TMEM202: variants seen among roughly 807,000 people sequenced by gnomAD.
The protein encoded by TMEM202 is transmembrane protein 202.
Under a neutral mutation model 26.1 loss-of-function variants are expected in TMEM202, and 25 were observed. The observed-to-expected ratio is 0.96, with a 90% CI of 0.70 to 1.34. The LOEUF (loss-of-function observed/expected upper bound fraction) is 1.34, where lower values mean the gene tolerates loss of function less well. Among genes scored for constraint, TMEM202 ranks in the 40% most tolerant of loss-of-function variants. The probability of loss-of-function intolerance (pLI) is 0.00; values close to 1 mark genes in which losing one functional copy is unlikely to be tolerated. For missense variants in TMEM202, 301 were observed against 327.7 expected, an observed-to-expected ratio of 0.92 and a Z score of 0.63; for synonymous variants, 122 against 119.0, an observed-to-expected ratio of 1.02 and a Z score of -0.16.
chr15:72,402,981 G>C (rs1464133505), intron 2 of TMEM202, among the ~76,000 whole-genome samples: 1 of 152,086 alleles, frequency 6.6e-6, no homozygotes. Flanking sequence ...CTTGAAAGCG[G>C]TCACAATGGC....
chr15:72,400,831 C>A (rs990467463), intron 2 of TMEM202, among the ~76,000 whole-genome samples: 1 of 152,136 alleles, frequency 6.6e-6, no homozygotes, highest in Non-Finnish European at 1.5e-5. Context: ...TGCTGTTTGC[C>A]CATTTTAATG....
chr15:72,405,969 G>T (rs1039339365), intron 2 of TMEM202, among the ~76,000 whole-genome samples: 7 of 152,148 alleles, frequency 4.6e-5, no homozygotes, highest in African/African-American at 1.7e-4. Flanking sequence ...TCATTTTGTA[G>T]TCATAGGCTG....
In TMEM202 at chr15:72,407,098, T is replaced by C; in HGVS notation, c.500T>C (p.Leu167Pro). 1.9e-6 allele frequency: 3 copies of C among 1,612,342 alleles called. No individual in the cohort carries two copies. The highest frequency in any genetic ancestry group is 2.7e-5 in the African/African-American group (2 of 74,984). The change falls in exon 4 of 5, where the codon CTC becomes CCC. Residue 167 changes from leucine (L) to proline (P), a missense_variant. Transcript: ENST00000341689. ...CTTCTGGTCCTAGCTACCTGCTTGCTCCTCTGCCTCAACCTGTTTGTGGCA... is the reference window on the plus strand; with the variant it reads ...CTTCTGGTCCTAGCTACCTGCTTGCCCCTCTGCCTCAACCTGTTTGTGGCA... ...MLSFISATCL[L>P]LCLNLFVAQV...
chr15:72,406,982 A>G (rs925279491), intron 3 of TMEM202, 104 bp from the exon 4 acceptor site: 5 of 1,468,154 alleles, frequency 3.4e-6, no homozygotes, highest in Non-Finnish European at 4.6e-6. Context: ...TATCTTTTTG[A>G]TCCTCGCTAT....
At chr15:72,405,639 T>G (rs2063567249) in intron 2 of TMEM202, among the ~76,000 whole-genome samples, 1 of 152,114 alleles carries the variant, frequency 6.6e-6, no homozygotes, top group Non-Finnish European at 1.5e-5. Flanking sequence ...AAACACTTTG[T>G]GGTAAGTTCC....
chr15:72,404,673 C>T (rs2140358518), intron 2 of TMEM202, among the ~76,000 whole-genome samples: 1 of 152,248 alleles, frequency 6.6e-6, no homozygotes, highest in East Asian at 1.9e-4. Flanking sequence ...TCAAACTTTA[C>T]ATCTTCTCAG....
At chr15:72,403,019 A>T (rs1449890242) in intron 2 of TMEM202, among the ~76,000 whole-genome samples, 1 of 152,114 alleles carries the variant, frequency 6.6e-6, no homozygotes, top group Non-Finnish European at 1.5e-5. Flanking sequence ...GATTTGGCTA[A>T]ATAAGTGAGC....
chr15:72,407,230 C>T lies in TMEM202; in HGVS notation c.619+13C>T, dbSNP rs207475587. On this transcript the variant is annotated intron_variant, in intron 4 of 4. Coordinates refer to ENST00000341689, the MANE Select transcript of TMEM202 (RefSeq NM_001080462.3). ...TACATGTTTGCTGGTGAGTCACTTC[C>T]CTGCTCTATGCTAGAAGGATGGATA... 6.2e-7 allele frequency: 1 copy of T among 1,612,868 alleles called. No individual in the cohort carries two copies. Among genetic ancestry groups the T allele is most frequent in the Non-Finnish European group, 8.5e-7 (1 of 1,179,362 alleles).
chr15:72,400,557 A>AT (rs1403375089), intron 2 of TMEM202, among the ~76,000 whole-genome samples: 1 of 152,242 alleles, frequency 6.6e-6, no homozygotes, highest in South Asian at 2.1e-4. Flanking sequence ...CTGCAATCAT[A>AT]TTTATGTAAC....
At chr15:72,398,932 C>T (rs2140354952) in intron 2 of TMEM202, 24 bp downstream of exon 2, 3 of 1,593,678 alleles carry the variant, frequency 1.9e-6, no homozygotes, top group Non-Finnish European at 2.6e-6. Context: ...AATTAAATGC[C>T]ACAGGCCCCA....
chr15:72,406,556 C>G (rs770496309), intron 2 of TMEM202, 46 bp from the exon 3 acceptor site: 14 of 1,563,920 alleles, frequency 9.0e-6, no homozygotes, highest in Non-Finnish European at 1.1e-5. Context: ...AAGGGAAGGT[C>G]CCTCACTGGA....
At position 72,406,586 on chromosome 15, in the gene TMEM202, C is replaced by T. The variant is rs753569278; in HGVS notation, c.338-16C>T. Reference sequence around the variant, plus strand: ...ACTGGACTAACCACGGTCTTCCTTTCCTCTTCTTCATGCAGATTATCTCCA... The same window carrying T: ...ACTGGACTAACCACGGTCTTCCTTTTCTCTTCTTCATGCAGATTATCTCCA... On this transcript the variant is annotated splice_polypyrimidine_tract_variant and intron_variant, in intron 2 of 4. Coordinates refer to ENST00000341689, the MANE Select transcript of TMEM202 (RefSeq NM_001080462.3). The T allele has an allele frequency of 1.9e-6, 3 of 1,612,296 alleles. No homozygotes were observed. In the Admixed American group the frequency reaches 5.0e-5, roughly 27 times the overall value.
intron 4 of TMEM202, 59 bp from the exon 5 acceptor site, chr15:72,407,632 T>G (rs1275575029): frequency 1.3e-6 from 2 of 1,533,078 alleles, no homozygotes; most frequent in East Asian, 4.5e-5. Flanking sequence ...CATAAGAATT[T>G]TAAAAGCCAA....
At chr15:72,400,031 A>C (rs1200389957) in intron 2 of TMEM202, among the ~76,000 whole-genome samples, 2 of 152,256 alleles carry the variant, frequency 1.3e-5, no homozygotes, top group Admixed American at 6.5e-5. Flanking sequence ...AAGGGACAGT[A>C]TCCTGCATGA....
At position 72,398,334 on chromosome 15, in the gene TMEM202, G is replaced by A. The variant is rs148351239; in HGVS notation, c.8G>A (p.Arg3Gln). ME[R>Q]REHLTLTFHS... is the part of the protein sequence containing the mutation. Reference sequence around the variant, plus strand: ...AGAGAACTAACTGCCAAGATGGAGCGAAGGGAACATTTAACCTTGACTTTC... The same window carrying A: ...AGAGAACTAACTGCCAAGATGGAGCAAAGGGAACATTTAACCTTGACTTTC... The change falls in exon 1 of 5, where the codon CGA (arginine) becomes CAA (glutamine). Residue 3 changes from arginine to glutamine, a missense_variant. Physicochemically the swap from Arg to Gln is conservative, Grantham distance 43 (BLOSUM62 1). Transcript: ENST00000341689. 9.3e-6 allele frequency: 15 copies of A among 1,612,746 alleles called. No individual in the cohort carries two copies. The African/African-American group carries it at 1.6e-4, about 17-fold the overall frequency.
chr15:72,402,331 T>C (rs1292881691), intron 2 of TMEM202, among the ~76,000 whole-genome samples: 2 of 152,210 alleles, frequency 1.3e-5, no homozygotes, highest in East Asian at 3.8e-4. Flanking sequence ...ACCTACTGGA[T>C]TGCAAGAATT....
At position 72,408,072 on chromosome 15, in the gene TMEM202, G is replaced by C; in HGVS notation, c.*179G>C. ...CCAAAATATATATGATAGTCATAAAGTAAATAACTCACTTAAGAAAAACAT... is the reference window on the plus strand; with the variant it reads ...CCAAAATATATATGATAGTCATAAACTAAATAACTCACTTAAGAAAAACAT... On this transcript the variant is annotated 3_prime_UTR_variant, in exon 5 of 5. Coordinates refer to ENST00000341689, the MANE Select transcript of TMEM202 (RefSeq NM_001080462.3). 3 of 580,400 alleles carry C rather than the reference G, an allele frequency of 5.2e-6. No individual in the cohort carries two copies. The South Asian group carries it at 6.7e-5, about 13-fold the overall frequency. 36.0% of individuals were successfully genotyped at this position (580,400 alleles called of 1,614,324 possible).
chr15:72,401,216 C>T (rs1005392345), intron 2 of TMEM202, among the ~76,000 whole-genome samples: 4 of 152,134 alleles, frequency 2.6e-5, no homozygotes, highest in Non-Finnish European at 5.9e-5. Flanking sequence ...CCTGGGAATG[C>T]AGCCCAGTAG....
At position 72,408,210 on chromosome 15, in the gene TMEM202, C is replaced by T. The variant is rs958294734; in HGVS notation, c.*317C>T. On this transcript the variant is annotated 3_prime_UTR_variant, in exon 5 of 5. Coordinates refer to ENST00000341689, the MANE Select transcript of TMEM202 (RefSeq NM_001080462.3). ...TCAGGGATCTCATGGACCAGAATGG[C>T]CCGTGGAGAAGAATGTTAATTACTT... 6.6e-6 allele frequency among the ~76,000 whole-genome samples: 1 copy of T among 152,106 alleles called. No individual in the cohort carries two copies. The highest frequency in any genetic ancestry group is 2.4e-5 in the African/African-American group (1 of 41,408).
Sources: allele counts gnomAD v4.1 joint callset (sites outside exome capture counted in the v4.1 genomes callset), GRCh38; gene constraint gnomAD v4.1.1; transcripts MANE v1.5; gene names NCBI Gene and HGNC (gene_info 2026-07-23, HGNC 2026-07-21).